PCDHA4: variants seen among roughly 807,000 people sequenced by gnomAD.
The protein encoded by PCDHA4 is protocadherin alpha-4.
Under a neutral mutation model 61.4 loss-of-function variants are expected in PCDHA4, and 49 were observed. The observed-to-expected ratio is 0.80, with a 90% CI of 0.63 to 1.01. PCDHA4 has a LOEUF of 1.01. PCDHA4 is among the 50% of genes least tolerant of loss of function. The pLI is 0.00. For missense variants in PCDHA4, 1,254 were observed against 1,235.8 expected (o/e 1.01, Z -0.22); for synonymous variants, 590 against 550.3 (o/e 1.07, Z -1.01).
At chr5:140,829,079 A>G (rs1770100550) in intron 1 of PCDHA4, 1 of 1,611,828 alleles carries the variant, frequency 6.2e-7, no homozygotes, top group South Asian at 1.1e-5. Context: ...CCATCCTCCC[A>G]TGGCGGGTCA....
chr5:140,888,583 G>C (rs2061886743), intron 1 of PCDHA4, among the ~76,000 whole-genome samples: 1 of 152,184 alleles, frequency 6.6e-6, no homozygotes, highest in African/African-American at 2.4e-5. Flanking sequence ...AGATTTGTTA[G>C]TACACATTCA....
In PCDHA4 at chr5:140,808,934, T is replaced by G. The variant is rs1554124895; in HGVS notation, c.1747T>G (p.Trp583Gly). The G allele has an allele frequency of 1.9e-5, 31 of 1,613,672 alleles. No homozygotes were observed. The African/African-American group carries it at 2.5e-4, about 13-fold the overall frequency. Residue 583 changes from tryptophan (W) to glycine (G), a missense_variant, in exon 1 of 4, where the codon TGG (tryptophan) becomes GGG (glycine). Trp to Gly is a radical substitution (Grantham distance 184, BLOSUM62 -2). Coordinates refer to ENST00000530339, the MANE Select transcript of PCDHA4 (RefSeq NM_018907.4). Reference sequence around the variant, plus strand: ...TGGCGCAGTGAGCGAGCTGGTGCCATGGTCGGTGGGTGTGGGCCACGTGGT... The same window carrying G: ...TGGCGCAGTGAGCGAGCTGGTGCCAGGGTCGGTGGGTGTGGGCCACGTGGT... ...TGGAVSELVP[W>G]SVGVGHVVAK...
At chr5:140,876,957 G>T (rs2056730695) in intron 1 of PCDHA4, 7 of 1,613,178 alleles carry the variant, frequency 4.3e-6, no homozygotes, top group Non-Finnish European at 5.9e-6. Context: ...ACTCGCTGGT[G>T]GAGCGGCGGG....
chr5:140,808,824 G>T lies in PCDHA4; in HGVS notation c.1637G>T (p.Gly546Val), dbSNP rs142005186. 1.2e-6 allele frequency: 2 copies of T among 1,612,884 alleles called. No individual in the cohort carries two copies. Among genetic ancestry groups the T allele is most frequent in the Non-Finnish European group, 8.5e-7 (1 of 1,179,854 alleles). Residue 546 changes from glycine (G) to valine (V), a missense_variant, in exon 1 of 4, where the codon GGC becomes GTC. By Grantham distance (109) the Gly-to-Val change is moderately radical. Transcript: ENST00000530339. Reference protein sequence around the residue: ...TARDAGVPPLGSNVTLQVFVL... With the variant: ...TARDAGVPPLVSNVTLQVFVL... ...CGCGATGCCGGCGTGCCACCTCTGG[G>T]CAGCAACGTGACGCTGCAGGTGTTC...
At chr5:140,947,811 A>G (rs1554218329) in intron 1 of PCDHA4, among the ~76,000 whole-genome samples, 1 of 151,582 alleles carries the variant, frequency 6.6e-6, no homozygotes, top group Admixed American at 6.6e-5. Flanking sequence ...TGCAGAGACT[A>G]TTTCTTCCTT....
At chr5:140,838,280 A>T (rs1252322835) in intron 1 of PCDHA4, among the ~76,000 whole-genome samples, 4 of 139,572 alleles carry the variant, frequency 2.9e-5, no homozygotes, top group Non-Finnish European at 4.6e-5. Flanking sequence ...AGCCATGCTA[A>T]TTTTTTTTTT....
intron 1 of PCDHA4, among the ~76,000 whole-genome samples, chr5:140,920,226 T>C (rs190564528): frequency 6.6e-6 from 1 of 152,042 alleles, no homozygotes; most frequent in East Asian, 1.9e-4. Context: ...ACATTTATAG[T>C]ATTATATACC....
intron 1 of PCDHA4, among the ~76,000 whole-genome samples, chr5:140,972,656 C>T (rs1428322208): frequency 6.9e-6 from 1 of 144,688 alleles, no homozygotes; most frequent in Non-Finnish European, 1.5e-5. Context: ...TAAAAAGAAA[C>T]CAAATTTTTT....
intron 1 of PCDHA4, chr5:140,862,660 G>T: frequency 1.8e-6 from 1 of 546,542 alleles, no homozygotes; most frequent in Non-Finnish European, 3.7e-6. Flanking sequence ...GCGGGACCGG[G>T]ACGCGCAGGA....
chr5:140,857,982 G>C lies in PCDHA4; in HGVS notation c.2385+48410G>C, dbSNP rs782329809. The C allele has an allele frequency of 6.9e-6, 11 of 1,596,698 alleles. No individual in the cohort carries two copies. In the Admixed American group the frequency reaches 1.9e-4, roughly 27 times the overall value. ...GATGAGACTGACTCGCCACGCCAGC[G>C]CCTACTGGTGCTGGTGAAGGACCAT... On this transcript the variant is annotated intron_variant, in intron 1 of 3. Transcript: ENST00000530339.
In PCDHA4 at chr5:140,857,169, C is replaced by T. The variant is rs199584063; in HGVS notation, c.2385+47597C>T. On this transcript the variant is annotated intron_variant, in intron 1 of 3. Coordinates refer to ENST00000530339, the MANE Select transcript of PCDHA4 (RefSeq NM_018907.4). ...ACCGTCATTGCCCTAATCAGCGTTTCTGACCATGATTCAGGAGCCAACGGA... is the reference window on the plus strand; with the variant it reads ...ACCGTCATTGCCCTAATCAGCGTTTTTGACCATGATTCAGGAGCCAACGGA... 2.2e-5 allele frequency: 35 copies of T among 1,598,474 alleles called. 1 individual carries two copies. The East Asian group carries it at 7.4e-4, about 34-fold the overall frequency.
chr5:140,966,709 G>C, intron 1 of PCDHA4: 1 of 1,387,174 alleles, frequency 7.2e-7, no homozygotes. Context: ...CGTGGGGCAC[G>C]GCTGGGGAAG....
chr5:140,962,870 T>C (rs558640798), intron 1 of PCDHA4, among the ~76,000 whole-genome samples: 1 of 152,306 alleles, frequency 6.6e-6, no homozygotes, highest in Admixed American at 6.5e-5. Context: ...TAGAGCAACA[T>C]AAATACATGA....
At chr5:140,883,758 G>C (rs781858673) in intron 1 of PCDHA4, 4 of 1,612,920 alleles carry the variant, frequency 2.5e-6, no homozygotes, top group Non-Finnish European at 3.4e-6. Context: ...CTGGTGGAGC[G>C]GCGGGTGGGC....
At chr5:140,928,321 A>C (rs1296238254) in intron 1 of PCDHA4, 2 of 1,614,044 alleles carry the variant, frequency 1.2e-6, no homozygotes, top group African/African-American at 2.7e-5. Context: ...CCTGGGGAAG[A>C]ATGGCCTTGT....
At chr5:140,847,610 C>T (rs1047587407) in intron 1 of PCDHA4, 3 of 149,370 alleles carry the variant, frequency 2.0e-5, no homozygotes, top group African/African-American at 7.4e-5. Context: ...ATTGTAATAA[C>T]ATTACACAAA....
At position 140,856,324 on chromosome 5, in the gene PCDHA4, G is replaced by A. The variant is rs1221183425; in HGVS notation, c.2385+46752G>A. ...TTGTGAATTCTCGGATTGACCGCGA[G>A]GAGCTGTGCGGGCGGAGCGTGGAGT... On this transcript the variant is annotated intron_variant, in intron 1 of 3. Coordinates refer to ENST00000530339, the MANE Select transcript of PCDHA4 (RefSeq NM_018907.4). The A allele has an allele frequency of 6.3e-6, 10 of 1,598,594 alleles. 1 individual carries two copies. Among genetic ancestry groups the A allele is most frequent in the Non-Finnish European group, 8.6e-6 (10 of 1,168,074 alleles).
rs147674000 is a variant in PCDHA4 at position 140,809,124 on chromosome 5, G to T, written c.1937G>T (p.Arg646Leu). Residue 646 changes from arginine to leucine, a missense_variant, in exon 1 of 4, where the codon CGC (arginine) becomes CTC (leucine). Coordinates refer to ENST00000530339, the MANE Select transcript of PCDHA4 (RefSeq NM_018907.4). ...GACGAAACGGACGCTCCGCGCCACC[G>T]CCTACTGGTACTGGTGAAGGACCAC... ...ALDETDAPRH[R>L]LLVLVKDHGE... The T allele has an allele frequency of 8.0e-3, 12,837 of 1,613,980 alleles. 65 individuals carry two copies. The highest frequency in any genetic ancestry group is 0.011 in the Middle Eastern group (64 of 6,062).
intron 1 of PCDHA4, chr5:140,829,699 C>T (rs61730774): frequency 1.2e-6 from 2 of 1,613,252 alleles, no homozygotes; most frequent in Non-Finnish European, 1.7e-6. Flanking sequence ...TTCAGGTGAG[C>T]GCGCGCGACG....
Sources: allele counts gnomAD v4.1 joint callset (sites outside exome capture counted in the v4.1 genomes callset), GRCh38; gene constraint gnomAD v4.1.1; transcripts MANE v1.5; gene names NCBI Gene and HGNC (gene_info 2026-07-23, HGNC 2026-07-21).